LSM3: variants seen among roughly 807,000 people sequenced by gnomAD.
The protein encoded by LSM3 is LSM3 homolog, U6 small nuclear RNA and mRNA degradation associated.
Under a neutral mutation model 15.4 loss-of-function variants are expected in LSM3, and 14 were observed. The observed-to-expected ratio is 0.91, with a 90% CI of 0.60 to 1.42. The LOEUF is 1.42. Among genes scored for constraint, LSM3 ranks in the 40% most tolerant of loss-of-function variants. The pLI is 0.00. For missense variants in LSM3, 88 were observed against 127.9 expected, an observed-to-expected ratio of 0.69 and a Z score of 1.50; for synonymous variants, 46 against 45.1, an observed-to-expected ratio of 1.02 and a Z score of -0.08.
Position 14,200,791 on chromosome 3 carries a change from T to C in LSM3, c.*2675T>C, listed in dbSNP as rs1697228184. 2 of 152,230 alleles carry C rather than the reference T, an allele frequency of 1.3e-5. No homozygotes were observed. The highest frequency in any genetic ancestry group is 1.5e-5 in the Non-Finnish European group (1 of 68,046). 9.4% of individuals were successfully genotyped at this position (152,230 alleles called of 1,614,324 possible). ...AAGATTTGCCCAAACTAGAGTACTA[T>C]CCCTCTTCACACTAAGAGGCAGAAA... On this transcript the variant is annotated 3_prime_UTR_variant, in exon 4 of 4. Transcript: ENST00000306024.
In LSM3 at chr3:14,198,262, T is replaced by G. The variant is rs1697204396; in HGVS notation, c.*146T>G. ...TCTTCCACTCCTGAAATGAGTTGAT[T>G]TGCAGATAACTCACAACTTCTTAAG... On this transcript the variant is annotated 3_prime_UTR_variant, in exon 4 of 4. Transcript: ENST00000306024. 3.2e-6 allele frequency: 2 copies of G among 631,292 alleles called. No homozygotes were observed. The highest frequency in any genetic ancestry group is 5.5e-5 in the East Asian group (2 of 36,384). The allele number at this position is 631,292 out of a possible 1,614,324, so 39.1% of individuals were successfully genotyped here.
intron 3 of LSM3, among the ~76,000 whole-genome samples, chr3:14,184,720 G>A (rs1697071285): frequency 6.8e-6 from 1 of 146,752 alleles, no homozygotes; most frequent in South Asian, 2.2e-4. Context: ...TCCCGCCACT[G>A]CACTCCAGCC....
intron 3 of LSM3, among the ~76,000 whole-genome samples, chr3:14,195,696 C>A (rs1165488220): frequency 6.6e-6 from 1 of 152,166 alleles, no homozygotes; most frequent in Admixed American, 6.5e-5. Flanking sequence ...GTGGAGTGTG[C>A]CCCCTCCTTG....
intron 3 of LSM3, among the ~76,000 whole-genome samples, chr3:14,191,232 GC>G (rs1697136788): frequency 6.6e-6 from 1 of 152,174 alleles, no homozygotes; most frequent in Admixed American, 6.5e-5. Context: ...AGGGATATTG[GC>G]CTGAAATTTT....
chr3:14,190,320 A>G (rs1393183015), intron 3 of LSM3, among the ~76,000 whole-genome samples: 2 of 152,182 alleles, frequency 1.3e-5, no homozygotes, highest in Admixed American at 6.5e-5. Context: ...GTTTTTTTCA[A>G]TTCTGTGAAG....
In LSM3 at chr3:14,181,587, C is replaced by A. The variant is rs376343870; in HGVS notation, c.49C>A (p.Pro17Thr). 6.2e-7 allele frequency: 1 copy of A among 1,613,396 alleles called. No individual in the cohort carries two copies. Among genetic ancestry groups the A allele is most frequent in the Non-Finnish European group, 8.5e-7 (1 of 1,179,364 alleles). The change falls in exon 2 of 4, where the codon CCC (proline) becomes ACC (threonine). Residue 17 changes from proline to threonine, a missense_variant. Coordinates refer to ENST00000306024, the MANE Select transcript of LSM3 (RefSeq NM_014463.3). ...QQQTTNTVEE[P>T]LDLIRLSLDE... ...ACAAACTACCAACACTGTAGAGGAG[C>A]CCCTGGATCTTATCAGGCTCAGCCT... is the stretch of plus-strand genomic sequence containing the variant.
Position 14,180,820 on chromosome 3 carries a change from CCTTTTTTTTTTTTT to C in LSM3, c.22-739_22-726del, listed in dbSNP as rs564348670. 6.0e-3 allele frequency among the ~76,000 whole-genome samples: 308 copies of C among 51,380 alleles called. 5 individuals are homozygous for C. The highest frequency in any genetic ancestry group is 7.8e-3 in the African/African-American group (102 of 13,084). 33.7% of individuals were successfully genotyped at this position (51,380 alleles called of 152,430 possible). ...TGACTCCAAAGCCAGTGCTTGCTTG[CCTTTTTTTTTTTTT>C]TTTTTTTTTTTTTTTTTTTTTTTAA... On this transcript the variant is annotated intron_variant, in intron 1 of 3. Transcript: ENST00000306024.
chr3:14,180,291 A>G (rs1697013530), intron 1 of LSM3, among the ~76,000 whole-genome samples: 1 of 148,782 alleles, frequency 6.7e-6, no homozygotes, highest in South Asian at 2.1e-4. Context: ...TTTTTTTTCT[A>G]TTCTTTTCTT....
chr3:14,197,960 T>C, intron 3 of LSM3, 76 bp from the exon 4 acceptor site: 1 of 1,293,674 alleles, frequency 7.7e-7, no homozygotes, highest in Admixed American at 1.8e-5. Flanking sequence ...GAATCCATTT[T>C]TTAACATTTC....
intron 3 of LSM3, among the ~76,000 whole-genome samples, chr3:14,188,027 T>C (rs1029187606): frequency 6.6e-6 from 1 of 152,202 alleles, no homozygotes; most frequent in Non-Finnish European, 1.5e-5. Context: ...AACTAAGCCC[T>C]CTGCTCCCTC....
rs190792406 is a variant in LSM3 at position 14,192,395 on chromosome 3, G to A, written c.229-5641G>A. 9.9e-4 allele frequency among the ~76,000 whole-genome samples: 151 copies of A among 152,182 alleles called. 1 individual carries two copies. The East Asian group carries it at 0.021, about 21-fold the overall frequency. On this transcript the variant is annotated intron_variant, in intron 3 of 3. Transcript: ENST00000306024. ...TGACAGTGGGGTGTTAAAGTCTCCCGCAATTATTGTGTGGGAGTCTAAGTC... is the reference window on the plus strand; with the variant it reads ...TGACAGTGGGGTGTTAAAGTCTCCCACAATTATTGTGTGGGAGTCTAAGTC...
intron 1 of LSM3, among the ~76,000 whole-genome samples, chr3:14,180,291 ATTCTT>A (rs935633786): frequency 1.3e-5 from 2 of 148,896 alleles, no homozygotes; most frequent in African/African-American, 5.0e-5. Flanking sequence ...TTTTTTTTCT[ATTCTT>A]TTCTTTTTTT....
intron 2 of LSM3, among the ~76,000 whole-genome samples, 175 bp from the exon 3 acceptor site, chr3:14,183,762 C>T (rs1697061011): frequency 6.6e-6 from 1 of 152,120 alleles, no homozygotes; most frequent in African/African-American, 2.4e-5. Context: ...TTGGAAGTGA[C>T]TTGTGAAGAA....
intron 1 of LSM3, among the ~76,000 whole-genome samples, chr3:14,180,568 G>T (rs1251829704): frequency 6.6e-6 from 1 of 152,008 alleles, no homozygotes; most frequent in Non-Finnish European, 1.5e-5. Flanking sequence ...GGATTCAAGC[G>T]TGAGCCACCA....
Position 14,198,275 on chromosome 3 carries a change from A to G in LSM3, c.*159A>G. The G allele has an allele frequency of 3.4e-6, 2 of 595,488 alleles. No homozygotes were observed. The highest frequency in any genetic ancestry group is 5.6e-5 in the East Asian group (2 of 35,894). The allele number at this position is 595,488 out of a possible 1,614,324, so 36.9% of individuals were successfully genotyped here. A position where few individuals can be genotyped will look rare whatever the true frequency, so the allele number is the denominator to read the frequency against. ...AAATGAGTTGATTTGCAGATAACTC[A>G]CAACTTCTTAAGCTAAATGGTATTT... On this transcript the variant is annotated 3_prime_UTR_variant, in exon 4 of 4. Transcript: ENST00000306024.
intron 1 of LSM3, among the ~76,000 whole-genome samples, chr3:14,179,744 TTGAG>T (rs1696999729): frequency 6.6e-6 from 1 of 152,218 alleles, no homozygotes; most frequent in Non-Finnish European, 1.5e-5. Flanking sequence ...CAAAAAATAT[TTGAG>T]TGAATGAGTT....
In LSM3 at chr3:14,200,215, A is replaced by C. The variant is rs1351901202; in HGVS notation, c.*2099A>C. 1 of 152,080 alleles carries C rather than the reference A, an allele frequency of 6.6e-6. No individual in the cohort carries two copies. The highest frequency in any genetic ancestry group is 6.6e-5 in the Admixed American group (1 of 15,248). The allele number at this position is 152,080 out of a possible 1,614,324, so 9.4% of individuals were successfully genotyped here. A position where few individuals can be genotyped will look rare whatever the true frequency, so the allele number is the denominator to read the frequency against. On this transcript the variant is annotated 3_prime_UTR_variant, in exon 4 of 4. Transcript: ENST00000306024. ...CCTACTTCATTTCCTAGCTGCTAAG[A>C]TACAAGGGGAGGGACAATAAAAGGT... is the stretch of plus-strand genomic sequence containing the variant.
intron 3 of LSM3, among the ~76,000 whole-genome samples, chr3:14,196,740 G>C (rs1697190656): frequency 6.6e-6 from 1 of 152,194 alleles, no homozygotes; most frequent in Non-Finnish European, 1.5e-5. Context: ...AACCCTAAAT[G>C]GGGTCCGCAG....
intron 3 of LSM3, among the ~76,000 whole-genome samples, chr3:14,185,098 C>T (rs939288947): frequency 3.3e-5 from 5 of 151,890 alleles, no homozygotes; most frequent in African/African-American, 1.2e-4. Flanking sequence ...TGCCTGCAAT[C>T]CCACCACTTT....
Sources: gnomAD v4.1 joint callset for allele counts (sites outside exome capture counted in the v4.1 genomes callset) on GRCh38, gnomAD v4.1.1 for gene constraint, MANE v1.5 for transcripts, NCBI Gene and HGNC (gene_info 2026-07-23, HGNC 2026-07-21) for gene names.